The following HERC3 variants were observed in gnomAD, a reference collection of about 807,000 sequenced individuals.
HERC3 encodes probable E3 ubiquitin-protein ligase HERC3.
In HERC3, 58 loss-of-function variants were observed where a neutral mutation model predicts 129.9. The observed-to-expected ratio is 0.45, with a 90% CI of 0.36 to 0.56. The LOEUF (loss-of-function observed/expected upper bound fraction) is 0.56, where lower values mean the gene tolerates loss of function less well. Ranked by LOEUF, HERC3 falls within the 20% of genes least tolerant of loss-of-function variation. The probability of loss-of-function intolerance (pLI) is 0.00; values close to 1 mark genes in which losing one functional copy is unlikely to be tolerated. For missense variants in HERC3, 835 were observed against 1,244.2 expected, an observed-to-expected ratio of 0.67 and a Z score of 4.95; for synonymous variants, 430 against 451.0, an observed-to-expected ratio of 0.95 and a Z score of 0.59.
At chr4:88,536,445 C>G in the HERC3 span, among the ~76,000 whole-genome samples, 1 of 152,142 alleles carries the variant, frequency 6.6e-6, no homozygotes, top group East Asian at 1.9e-4. Flanking sequence ...GTAAACTACC[C>G]TACCCCGACA....
rs1030736835 is a variant in HERC3, at chr4:88,603,925, T to G, written c.-29-1870T>G. On this transcript the variant is annotated intron_variant, in intron 2 of 25. Transcript: ENST00000402738. ...CTCAAGAAAGCCTTGTTGGCTGATG[T>G]GGACCTGCAGAGGCAGTAGACATGT... Among the ~76,000 whole-genome samples, 4 of 152,234 alleles carry G rather than the reference T, an allele frequency of 2.6e-5. No homozygotes were observed. In the South Asian group the frequency reaches 8.3e-4, roughly 31 times the overall value.
chr4:88,697,825 A>G, intron 23 of HERC3: 1 of 1,500,888 alleles, frequency 6.7e-7, no homozygotes. Context: ...GTCCAGAGAG[A>G]TCTTGCGGAT....
At chr4:88,557,214 A>G in the HERC3 span, among the ~76,000 whole-genome samples, 1 of 152,042 alleles carries the variant, frequency 6.6e-6, no homozygotes, top group Non-Finnish European at 1.5e-5. Flanking sequence ...TGACTTCCCT[A>G]TTGATTTGTA....
the HERC3 span, among the ~76,000 whole-genome samples, chr4:88,550,246 C>G: frequency 1.3e-5 from 2 of 152,130 alleles, no homozygotes; most frequent in African/African-American, 4.8e-5. Flanking sequence ...CCCTCTCTCA[C>G]CACTCCTATT....
Position 88,702,098 on chromosome 4 carries a change from A to G in HERC3, c.2658-2000A>G, listed in dbSNP as rs576681499. Among the ~76,000 whole-genome samples, 54 of 152,314 alleles carry G rather than the reference A, an allele frequency of 3.5e-4. No homozygotes were observed. The South Asian group carries it at 0.01, about 29-fold the overall frequency. On this transcript the variant is annotated intron_variant, in intron 23 of 25. Coordinates refer to ENST00000402738, the MANE Select transcript of HERC3 (RefSeq NM_014606.3). Reference sequence around the variant, plus strand: ...CATGAGCCACTGCACCTGGCTAGACAAAGATCTTTTTACATTAATGTCTTT... The same window carrying G: ...CATGAGCCACTGCACCTGGCTAGACGAAGATCTTTTTACATTAATGTCTTT...
At chr4:88,558,780 G>A in the HERC3 span, among the ~76,000 whole-genome samples, 1 of 151,556 alleles carries the variant, frequency 6.6e-6, no homozygotes, top group African/African-American at 2.4e-5. Flanking sequence ...TGGCTAACAT[G>A]GTGAAACCCC....
chr4:88,542,306 A>C, the HERC3 span, among the ~76,000 whole-genome samples: 12 of 152,362 alleles, frequency 7.9e-5, no homozygotes, highest in African/African-American at 2.6e-4. Flanking sequence ...AGATAATACT[A>C]TAAACACCTC....
chr4:88,605,879 A>G lies in HERC3; in HGVS notation c.56A>G (p.Gln19Arg). 1 of 1,614,226 alleles carries G rather than the reference A, an allele frequency of 6.2e-7. No homozygotes were observed. The part of the protein sequence containing the change: ...LGQPGISTNL[Q>R]GIVAEPQVCG... The stretch of plus-strand genomic sequence containing the variant: ...CAACCTGGTATCAGCACCAACCTGC[A>G]GGGAATTGTGGCTGAGCCCCAGGTG... Residue 19 changes from glutamine (Q) to arginine (R), a missense_variant, in exon 3 of 26, where the codon CAG becomes CGG. Coordinates refer to ENST00000402738, the MANE Select transcript of HERC3 (RefSeq NM_014606.3).
At chr4:88,594,799 A>G (rs926832630) in intron 1 of HERC3, among the ~76,000 whole-genome samples, 9 of 152,016 alleles carry the variant, frequency 5.9e-5, no homozygotes, top group African/African-American at 2.2e-4. Context: ...ATGAAAAGGG[A>G]AAGACCGGGT....
chr4:88,659,792 T>A (rs1043106389), intron 10 of HERC3, among the ~76,000 whole-genome samples: 3 of 152,248 alleles, frequency 2.0e-5, no homozygotes, highest in African/African-American at 7.2e-5. Flanking sequence ...AGTATCCAAC[T>A]TTAATTTTCC....
chr4:88,547,858 G>A, the HERC3 span, among the ~76,000 whole-genome samples: 8 of 152,102 alleles, frequency 5.3e-5, no homozygotes, highest in Non-Finnish European at 8.8e-5. Context: ...GTTTCACCAC[G>A]TTAGCCAGGC....
Position 88,698,006 on chromosome 4 carries a change from C to G in HERC3, c.2658-6092C>G, listed in dbSNP as rs1034002412. On this transcript the variant is annotated intron_variant, in intron 23 of 25. Transcript: ENST00000402738. ...CATCTTCTGGGCCCTCAACACCCGC[C>G]TGTTGGACAGACACCCTGTTCCCAG... Among the ~76,000 whole-genome samples the G allele has an allele frequency of 3.9e-5, 6 of 152,286 alleles. 1 individual carries two copies.
At chr4:88,693,601 G>A in intron 23 of HERC3, 2 of 949,866 alleles carry the variant, frequency 2.1e-6, no homozygotes, top group African/African-American at 3.5e-5. Flanking sequence ...CCACTGAATT[G>A]TTCCCTTTAA....
intron 16 of HERC3, among the ~76,000 whole-genome samples, chr4:88,672,640 A>G (rs1031382910): frequency 2.0e-5 from 3 of 152,188 alleles, no homozygotes; most frequent in Non-Finnish European, 2.9e-5. Flanking sequence ...GCTCCAGTCA[A>G]AAAGACCTGG....
intron 3 of HERC3, among the ~76,000 whole-genome samples, chr4:88,616,409 GAA>G (rs978336432): frequency 6.6e-6 from 1 of 152,216 alleles, no homozygotes; most frequent in African/African-American, 2.4e-5. Flanking sequence ...TGGTGCTCCT[GAA>G]AGTCTTGTAG....
chr4:88,665,669 C>G (rs1730970769), intron 12 of HERC3, among the ~76,000 whole-genome samples: 1 of 152,172 alleles, frequency 6.6e-6, no homozygotes, highest in Non-Finnish European at 1.5e-5. Flanking sequence ...GTCATGTTGA[C>G]TCCTAAATTC....
chr4:88,571,054 G>A, the HERC3 span, among the ~76,000 whole-genome samples: 194 of 152,042 alleles, frequency 1.3e-3, no homozygotes, highest in African/African-American at 3.8e-3. Context: ...CACCGTGCCC[G>A]GCCTCCTATT....
At position 88,697,702 on chromosome 4, in the gene HERC3, G is replaced by A. The variant is rs1288977916; in HGVS notation, c.2658-6396G>A. 75 of 1,611,884 alleles carry A rather than the reference G, an allele frequency of 4.7e-5. No individual in the cohort carries two copies. The highest frequency in any genetic ancestry group is 6.2e-5 in the Non-Finnish European group (73 of 1,179,510). ...TACCTCCTCTGCCGCTGCCTCCGCCGCTGCCGCCGCCTGGCTAGGCTCCGC... is the reference window on the plus strand; with the variant it reads ...TACCTCCTCTGCCGCTGCCTCCGCCACTGCCGCCGCCTGGCTAGGCTCCGC... On this transcript the variant is annotated intron_variant, in intron 23 of 25. Coordinates refer to ENST00000402738, the MANE Select transcript of HERC3 (RefSeq NM_014606.3).
chr4:88,609,925 T>C (rs1253549383), intron 3 of HERC3, among the ~76,000 whole-genome samples: 1 of 152,198 alleles, frequency 6.6e-6, no homozygotes, highest in African/African-American at 2.4e-5. Flanking sequence ...AAGGTGTGGA[T>C]TATTCATGCC....
Sources: gnomAD v4.1 joint callset for allele counts (sites outside exome capture counted in the v4.1 genomes callset) on GRCh38, gnomAD v4.1.1 for gene constraint, MANE v1.5 for transcripts, NCBI Gene and HGNC (gene_info 2026-07-23, HGNC 2026-07-21) for gene names.